Variants in VRK2 observed in about 807,000 individuals in gnomAD.
VRK2 encodes serine/threonine-protein kinase VRK2.
A neutral mutation model predicts 57.6 loss-of-function variants in VRK2; 60 were observed. That is an observed-to-expected ratio of 1.04 (90% CI 0.85 to 1.29). The LOEUF (loss-of-function observed/expected upper bound fraction) is 1.29. VRK2 is among the 50% of genes most tolerant of loss of function. The pLI is 0.00. For missense variants in VRK2, 705 were observed against 588.1 expected, an observed-to-expected ratio of 1.20 and a Z score of -2.06; for synonymous variants, 231 against 199.2, an observed-to-expected ratio of 1.16 and a Z score of -1.35.
chr2:58,020,438 C>T (rs1673719829), intron 1 of VRK2, among the ~76,000 whole-genome samples: 1 of 152,228 alleles, frequency 6.6e-6, no homozygotes, highest in African/African-American at 2.4e-5. Flanking sequence ...CTCCTGGCCT[C>T]AAGCAGTCTT....
chr2:58,032,203 T>G (rs1674132771), intron 2 of VRK2, among the ~76,000 whole-genome samples: 1 of 152,098 alleles, frequency 6.6e-6, no homozygotes, highest in Non-Finnish European at 1.5e-5. Context: ...ATACTTAATG[T>G]TTTTTTCCCT....
At chr2:58,024,199 C>T (rs921534636) in intron 1 of VRK2, among the ~76,000 whole-genome samples, 1 of 151,972 alleles carries the variant, frequency 6.6e-6, no homozygotes, top group Admixed American at 6.6e-5. Flanking sequence ...AGGAAAAGTA[C>T]AAAGATGAGG....
At chr2:57,998,272 G>A (rs532033346) in intron 1 of VRK2, among the ~76,000 whole-genome samples, 27 of 152,256 alleles carry the variant, frequency 1.8e-4, no homozygotes, top group Non-Finnish European at 2.6e-4. Flanking sequence ...TCCATAATTA[G>A]CACTGTTTAA....
intron 1 of VRK2, among the ~76,000 whole-genome samples, chr2:57,935,970 T>C (rs1239339922): frequency 1.3e-5 from 2 of 152,198 alleles, no homozygotes; most frequent in East Asian, 1.9e-4. Flanking sequence ...CCTGCAAAGA[T>C]ACTTTTTTAG....
At chr2:57,919,625 A>C (rs1311891125) in intron 1 of VRK2, among the ~76,000 whole-genome samples, 4 of 152,144 alleles carry the variant, frequency 2.6e-5, no homozygotes, top group Admixed American at 2.0e-4. Context: ...TCAGTAACAT[A>C]CAAATGTCTG....
At chr2:58,132,523 C>T (rs1679363473) in intron 9 of VRK2, among the ~76,000 whole-genome samples, 1 of 152,136 alleles carries the variant, frequency 6.6e-6, no homozygotes, top group African/African-American at 2.4e-5. Context: ...AGACTAAGAA[C>T]AGGGTGTGTT....
At chr2:58,157,240 G>A (rs1300960365) in intron 12 of VRK2, among the ~76,000 whole-genome samples, 1 of 152,164 alleles carries the variant, frequency 6.6e-6, no homozygotes. Flanking sequence ...TGGCCAGAGT[G>A]GAAGTAGTGT....
chr2:58,120,708 T>C (rs978261249), intron 7 of VRK2, among the ~76,000 whole-genome samples: 1 of 152,200 alleles, frequency 6.6e-6, no homozygotes, highest in Admixed American at 6.5e-5. Flanking sequence ...AAAATTCTTT[T>C]CTTTCCCTTT....
At chr2:58,042,049 AG>A (rs1264369585), upstream of VRK2, among the ~76,000 whole-genome samples, 1 of 152,170 alleles carries the variant, frequency 6.6e-6, no homozygotes, top group African/African-American at 2.4e-5. Context: ...ACATGTTCTC[AG>A]GACCTCCTGA....
chr2:58,011,300 A>G (rs1673411676), intron 1 of VRK2, among the ~76,000 whole-genome samples: 1 of 152,198 alleles, frequency 6.6e-6, no homozygotes, highest in South Asian at 2.1e-4. Context: ...CCTGCTCTAC[A>G]TATATCATCC....
chr2:57,935,352 C>A (rs1052336302), intron 1 of VRK2, among the ~76,000 whole-genome samples: 2 of 152,088 alleles, frequency 1.3e-5, no homozygotes, highest in Non-Finnish European at 2.9e-5. Context: ...AGACTGTATG[C>A]CTTCTTCCAA....
chr2:57,910,445 C>G (rs1022897288), intron 1 of VRK2, among the ~76,000 whole-genome samples: 1 of 152,084 alleles, frequency 6.6e-6, no homozygotes, highest in Admixed American at 6.6e-5. Context: ...TCTTCATGAC[C>G]CCAAGAGAAA....
chr2:57,957,052 T>C (rs1671607805), intron 1 of VRK2, among the ~76,000 whole-genome samples: 1 of 152,214 alleles, frequency 6.6e-6, no homozygotes, highest in East Asian at 1.9e-4. Flanking sequence ...TCCCTCTTAC[T>C]ACAAGACTCA....
chr2:58,086,508 A>C (rs1415559848), intron 5 of VRK2, 82 bp downstream of exon 5: 12 of 1,223,588 alleles, frequency 9.8e-6, no homozygotes, highest in Non-Finnish European at 1.2e-5. Flanking sequence ...CCATGTAACA[A>C]ATTACCAAAA....
chr2:57,968,297 G>C (rs1020136025), intron 1 of VRK2, among the ~76,000 whole-genome samples: 2 of 151,840 alleles, frequency 1.3e-5, no homozygotes, highest in African/African-American at 4.8e-5. Flanking sequence ...TAAATAATAA[G>C]AATAAGAGGA....
At chr2:58,045,613 T>C (rs1376560579), upstream of VRK2, among the ~76,000 whole-genome samples, 1 of 152,228 alleles carries the variant, frequency 6.6e-6, no homozygotes, top group Non-Finnish European at 1.5e-5. Context: ...TACTTTTTTG[T>C]TTGTTTTTAG....
rs942105717 is a variant in VRK2 at position 58,041,083 on chromosome 2, G to T, written c.-6+7530G>T. 3.0e-6 allele frequency: 3 copies of T among 984,680 alleles called. No homozygotes were observed. In the African/African-American group the frequency reaches 5.2e-5, roughly 17 times the overall value. 61.0% of individuals were successfully genotyped at this position (984,680 alleles called of 1,614,324 possible). A position where few individuals can be genotyped will look rare whatever the true frequency, so the allele number is the denominator to read the frequency against. Reference sequence around the variant, plus strand: ...AGGGATGTTAACTGGGGGGGAAAAAGGATGTAGAGTGTAAATATAGTCTTA... The same window carrying T: ...AGGGATGTTAACTGGGGGGGAAAAATGATGTAGAGTGTAAATATAGTCTTA... On this transcript the variant is annotated intron_variant, in intron 3 of 15. Coordinates refer to the VRK2 transcript ENST00000417641.
At chr2:57,940,250 AC>A (rs1388326017) in intron 1 of VRK2, among the ~76,000 whole-genome samples, 4 of 152,072 alleles carry the variant, frequency 2.6e-5, no homozygotes, top group African/African-American at 9.7e-5. Context: ...AAGGCCTGAG[AC>A]CCAGGGGAAT....
intron 1 of VRK2, among the ~76,000 whole-genome samples, chr2:57,911,524 A>C (rs1269931257): frequency 1.3e-5 from 2 of 152,184 alleles, no homozygotes; most frequent in Non-Finnish European, 1.5e-5. Context: ...AAAGGAATCT[A>C]CTTTGTAACT....
Sources: gnomAD v4.1 joint callset for allele counts (sites outside exome capture counted in the v4.1 genomes callset) on GRCh38, gnomAD v4.1.1 for gene constraint, MANE v1.5 for transcripts, NCBI Gene and HGNC (gene_info 2026-07-23, HGNC 2026-07-21) for gene names.